Variants in PPFIBP1 observed in about 807,000 individuals in gnomAD.
PPFIBP1 encodes liprin-beta-1.
In PPFIBP1, 112 loss-of-function variants were observed where a neutral mutation model predicts 137.8. The ratio of observed to expected loss-of-function variants is 0.81; its 90% confidence interval spans 0.70 to 0.95. The LOEUF is 0.95. Ranked by LOEUF, PPFIBP1 falls within the 40% of genes least tolerant of loss-of-function variation. The probability of loss-of-function intolerance (pLI) is 0.00; values close to 1 mark genes in which losing one functional copy is unlikely to be tolerated. For synonymous variants in PPFIBP1, 378 were observed against 417.3 expected, an observed-to-expected ratio of 0.91 and a Z score of 1.15; for missense variants, 1,083 against 1,196.6, an observed-to-expected ratio of 0.91 and a Z score of 1.40.
intron 2 of PPFIBP1, among the ~76,000 whole-genome samples, chr12:27,579,169 T>G (rs1040239901): frequency 1.3e-5 from 2 of 152,220 alleles, no homozygotes; most frequent in East Asian, 3.8e-4. Context: ...AGAGATCTGT[T>G]GTCCAGTTCC....
chr12:27,673,799 G>A lies in PPFIBP1; in HGVS notation c.1352G>A (p.Gly451Asp), dbSNP rs758255774. Residue 451 changes from glycine (G) to aspartate (D), a missense_variant, in exon 16 of 30, where the codon GGC (glycine) becomes GAC (aspartate). Transcript: ENST00000228425. ...AGTCTGCAGAAGTCCAGCAGCCTGG[G>A]CAATCTGAAGAAAGAGACATCTGAT... ...TSSLQKSSSL[G>D]NLKKETSDGE... 6.2e-7 allele frequency: 1 copy of A among 1,613,580 alleles called. No individual in the cohort carries two copies. The highest frequency in any genetic ancestry group is 1.1e-5 in the South Asian group (1 of 91,008).
At chr12:27,558,584 C>T (rs1355758688) in intron 1 of PPFIBP1, among the ~76,000 whole-genome samples, 1 of 91,670 alleles carries the variant, frequency 1.1e-5, no homozygotes, top group Non-Finnish European at 2.2e-5. Context: ...TTCCTGCCCC[C>T]ACCTCTCCAC....
At chr12:27,682,247 TTAC>T in intron 22 of PPFIBP1, 137 bp from the exon 23 acceptor site, 2 of 674,854 alleles carry the variant, frequency 3.0e-6, no homozygotes, top group Non-Finnish European at 5.2e-6. Flanking sequence ...CAACAACACT[TTAC>T]TAGCCCAAGT....
chr12:27,588,192 C>T (rs2052022247), intron 2 of PPFIBP1, among the ~76,000 whole-genome samples: 1 of 152,194 alleles, frequency 6.6e-6, no homozygotes, highest in African/African-American at 2.4e-5. Context: ...AATCACTTGG[C>T]TAAGTTGGTG....
Position 27,679,691 on chromosome 12 carries a change from A to G in PPFIBP1, c.1766+52A>G. 4 of 1,583,058 alleles carry G rather than the reference A, an allele frequency of 2.5e-6. No individual in the cohort carries two copies. The South Asian group carries it at 3.4e-5, about 14-fold the overall frequency. On this transcript the variant is annotated intron_variant, in intron 20 of 29. Coordinates refer to ENST00000228425, the MANE Select transcript of PPFIBP1 (RefSeq NM_003622.4). The stretch of plus-strand genomic sequence containing the variant: ...TGGGCCCTGTCTTACATGTTGCTTA[A>G]AAGTGGCTGGACATGGGTATGGACT...
intron 24 of PPFIBP1, among the ~76,000 whole-genome samples, chr12:27,683,989 A>G (rs1010150040): frequency 1.3e-5 from 2 of 151,916 alleles, no homozygotes; most frequent in African/African-American, 2.4e-5. Context: ...GGGTTTCACC[A>G]TGTTAGCCAG....
At chr12:27,679,660 G>A (rs771601071) in intron 20 of PPFIBP1, 21 bp downstream of exon 20, 5 of 1,611,212 alleles carry the variant, frequency 3.1e-6, no homozygotes, top group Non-Finnish European at 4.2e-6. Flanking sequence ...CAGTAAACAA[G>A]TGGAATGGGC....
intron 7 of PPFIBP1, among the ~76,000 whole-genome samples, chr12:27,652,144 T>C (rs2058912831): frequency 6.6e-6 from 1 of 152,236 alleles, no homozygotes; most frequent in Non-Finnish European, 1.5e-5. Flanking sequence ...AAAAATATTT[T>C]TCTGGGTGTT....
chr12:27,646,205 A>G (rs1302162904), intron 5 of PPFIBP1, 57 bp downstream of exon 5: 1 of 1,388,492 alleles, frequency 7.2e-7, no homozygotes, highest in Non-Finnish European at 1.0e-6. Context: ...AGCCTTTTAA[A>G]TTGGGGTGGC....
At chr12:27,659,837 C>T (rs1032746524) in intron 10 of PPFIBP1, among the ~76,000 whole-genome samples, 15 of 152,114 alleles carry the variant, frequency 9.9e-5, no homozygotes, top group Non-Finnish European at 1.5e-5. Context: ...CCCAACTCCT[C>T]AAGAGGTTGA....
intron 1 of PPFIBP1, among the ~76,000 whole-genome samples, chr12:27,532,461 T>A (rs1031805796): frequency 1.8e-4 from 18 of 98,340 alleles, no homozygotes; most frequent in Non-Finnish European, 4.3e-4. Context: ...AACTTTGTAT[T>A]TTTTTTTTTT....
At chr12:27,592,209 C>CT (rs2137320523) in intron 2 of PPFIBP1, among the ~76,000 whole-genome samples, 1 of 152,328 alleles carries the variant, frequency 6.6e-6, no homozygotes, top group East Asian at 1.9e-4. Flanking sequence ...AGCTGTCGTC[C>CT]TTTCTGTCAC....
intron 1 of PPFIBP1, among the ~76,000 whole-genome samples, chr12:27,561,742 C>T (rs1247003354): frequency 6.6e-6 from 1 of 152,114 alleles, no homozygotes; most frequent in Non-Finnish European, 1.5e-5. Flanking sequence ...TGCACATTTG[C>T]ACTTGCTCTT....
chr12:27,642,868 T>C (rs2058211296), intron 4 of PPFIBP1, among the ~76,000 whole-genome samples: 1 of 152,004 alleles, frequency 6.6e-6, no homozygotes, highest in African/African-American at 2.4e-5. Flanking sequence ...AGTGGAATGA[T>C]GAGCTTTCAG....
intron 17 of PPFIBP1, among the ~76,000 whole-genome samples, chr12:27,674,704 G>C (rs573732948): frequency 6.6e-6 from 1 of 151,692 alleles, no homozygotes; most frequent in African/African-American, 2.4e-5. Context: ...CTCCCCAAAA[G>C]CCCTTCTTAG....
At chr12:27,678,482 G>A (rs550039648) in intron 19 of PPFIBP1, among the ~76,000 whole-genome samples, 5 of 152,310 alleles carry the variant, frequency 3.3e-5, no homozygotes, top group Admixed American at 2.0e-4. Flanking sequence ...AAAGGAGAAG[G>A]AGTAAAAGGA....
intron 6 of PPFIBP1, 80 bp downstream of exon 6, chr12:27,647,922 C>G (rs770592887): frequency 6.8e-7 from 1 of 1,471,840 alleles, no homozygotes; most frequent in Non-Finnish European, 9.0e-7. Context: ...TGTGTTTGCT[C>G]TGATGCAGCA....
chr12:27,531,817 C>T (rs1944462559), intron 1 of PPFIBP1, among the ~76,000 whole-genome samples: 1 of 152,138 alleles, frequency 6.6e-6, no homozygotes, highest in Admixed American at 6.5e-5. Flanking sequence ...CTCTTATCCT[C>T]ATTCCCACCT....
intron 2 of PPFIBP1, among the ~76,000 whole-genome samples, chr12:27,614,331 C>T (rs894845605): frequency 2.0e-5 from 3 of 152,036 alleles, no homozygotes; most frequent in East Asian, 1.9e-4. Flanking sequence ...GTGAGCCGTG[C>T]GTGATTGGGC....
Sources: allele counts gnomAD v4.1 joint callset (sites outside exome capture counted in the v4.1 genomes callset), GRCh38; gene constraint gnomAD v4.1.1; transcripts MANE v1.5; gene names NCBI Gene and HGNC (gene_info 2026-07-23, HGNC 2026-07-21).